Variants in NUP160 observed in about 807,000 individuals in gnomAD.
NUP160 encodes nuclear pore complex protein Nup160.
Under a neutral mutation model 196.9 loss-of-function variants are expected in NUP160, and 94 were observed. The ratio of observed to expected loss-of-function variants is 0.48; its 90% confidence interval spans 0.40 to 0.57. NUP160 has a LOEUF of 0.57. NUP160 is among the 20% of genes least tolerant of loss of function. The pLI, the probability that NUP160 is intolerant of heterozygous loss-of-function variation, is 0.00. For missense variants in NUP160, 1,638 were observed against 1,748.3 expected, an observed-to-expected ratio of 0.94 and a Z score of 1.13; for synonymous variants, 605 against 619.7, an observed-to-expected ratio of 0.98 and a Z score of 0.35.
intron 22 of NUP160, among the ~76,000 whole-genome samples, chr11:47,802,795 G>A (rs1345866524): frequency 6.6e-6 from 1 of 151,420 alleles, no homozygotes. Flanking sequence ...GGCAACATGG[G>A]AAAACCCCAT....
chr11:47,810,106 A>G (rs1191174431), intron 17 of NUP160, among the ~76,000 whole-genome samples: 1 of 152,194 alleles, frequency 6.6e-6, no homozygotes, highest in Non-Finnish European at 1.5e-5. Context: ...ACATAGATCA[A>G]AAAGAACTTA....
chr11:47,817,798 T>C (rs1017104051), intron 11 of NUP160, among the ~76,000 whole-genome samples: 7 of 152,210 alleles, frequency 4.6e-5, no homozygotes, highest in Non-Finnish European at 1.0e-4. Flanking sequence ...TACAGTACTG[T>C]AGGTAGAGGT....
At chr11:47,822,447 G>A (rs896739799) in intron 7 of NUP160, among the ~76,000 whole-genome samples, 35 of 151,842 alleles carry the variant, frequency 2.3e-4, no homozygotes, top group African/African-American at 8.2e-4. Context: ...TAGTAGAGAT[G>A]GGGTTTCACC....
chr11:47,780,842 TC>T (rs982291163), intron 34 of NUP160, among the ~76,000 whole-genome samples: 7 of 152,034 alleles, frequency 4.6e-5, no homozygotes, highest in Non-Finnish European at 7.4e-5. Context: ...ATGCATTTTT[TC>T]CCCCAACCAC....
At chr11:47,813,944 G>A (rs1217122144) in intron 13 of NUP160, among the ~76,000 whole-genome samples, 6 of 151,686 alleles carry the variant, frequency 4.0e-5, no homozygotes, top group Non-Finnish European at 7.4e-5. Context: ...GGTGGCGGGC[G>A]CCTGTAGTCC....
rs1398018014 is a variant in NUP160 at position 47,779,205 on chromosome 11, A to G, written c.4222-11T>C. 3 of 1,561,606 alleles carry G rather than the reference A, an allele frequency of 1.9e-6. No individual in the cohort carries two copies. The highest frequency in any genetic ancestry group is 2.6e-6 in the Non-Finnish European group (3 of 1,134,660). On this transcript the variant is annotated splice_polypyrimidine_tract_variant and intron_variant, in intron 35 of 35. Coordinates refer to ENST00000378460, the Ensembl canonical transcript of NUP160. ...TATTTTCTGGGACAGCTATAAGAGA[A>G]AAGAAGGAAAACATTACATAACAGC... is the stretch of plus-strand genomic sequence containing the variant.
chr11:47,839,159 T>C (rs1263936331), intron 4 of NUP160, among the ~76,000 whole-genome samples: 1 of 152,126 alleles, frequency 6.6e-6, no homozygotes, highest in Non-Finnish European at 1.5e-5. Context: ...TGGCACGATC[T>C]TGGCTTATCG....
chr11:47,787,148 C>T (rs145345385), intron 31 of NUP160: 503 of 146,192 alleles, frequency 3.4e-3, no homozygotes, highest in Middle Eastern at 7.4e-3. Flanking sequence ...AGTGCAGTGG[C>T]GCAATCTCAA....
chr11:47,815,717 TA>T, intron 12 of NUP160, 68 bp from the exon 13 acceptor site: 1 of 1,349,478 alleles, frequency 7.4e-7, no homozygotes, highest in Non-Finnish European at 1.0e-6. Context: ...ACAAAAAACA[TA>T]ATTGTCCAAT....
intron 33 of NUP160, 186 bp downstream of exon 33, chr11:47,784,736 C>T (rs2097663523): frequency 5.3e-6 from 2 of 378,876 alleles, no homozygotes; most frequent in Non-Finnish European, 9.5e-6. Flanking sequence ...GAGATGGGGT[C>T]TCCCTGTGTT....
At chr11:47,845,103 C>G (rs916568139) in intron 2 of NUP160, among the ~76,000 whole-genome samples, 1 of 152,156 alleles carries the variant, frequency 6.6e-6, no homozygotes, top group Admixed American at 6.5e-5. Flanking sequence ...CAACCAGCAG[C>G]CCTCGGAGCT....
intron 31 of NUP160, 42 bp downstream of exon 31, chr11:47,788,139 AT>A (rs761533925): frequency 1.4e-5 from 22 of 1,528,278 alleles, no homozygotes; most frequent in Non-Finnish European, 2.0e-5. Flanking sequence ...AGGATAATAT[AT>A]TTGCATTAGA....
intron 2 of NUP160, chr11:47,841,567 G>A (rs11039426): frequency 0.29 from 122,066 of 417,366 alleles, 19,603 homozygotes; most frequent in Middle Eastern, 0.36. Flanking sequence ...AAACTGGGAT[G>A]GATCTACGAG....
At chr11:47,813,489 C>T in intron 13 of NUP160, 74 bp from the exon 14 acceptor site, 1 of 962,286 alleles carries the variant, frequency 1.0e-6, no homozygotes, top group Non-Finnish European at 1.6e-6. Context: ...AGATGTGCAT[C>T]TTATCATGAG....
intron 29 of NUP160, among the ~76,000 whole-genome samples, chr11:47,789,609 T>C (rs1389630750): frequency 1.3e-5 from 2 of 152,114 alleles, no homozygotes; most frequent in South Asian, 4.1e-4. Context: ...TTTAGCAGAT[T>C]AGAATGCTGA....
At chr11:47,794,881 C>A (rs1375604143) in intron 27 of NUP160, among the ~76,000 whole-genome samples, 1 of 151,992 alleles carries the variant, frequency 6.6e-6, no homozygotes, top group African/African-American at 2.4e-5. Flanking sequence ...CCACTGAACT[C>A]CAGCCTAGAC....
At chr11:47,800,169 G>A (rs760405529) in intron 23 of NUP160, among the ~76,000 whole-genome samples, 2 of 150,496 alleles carry the variant, frequency 1.3e-5, no homozygotes, top group Non-Finnish European at 2.9e-5. Flanking sequence ...CAGGAGAATC[G>A]CTTCAACCTG....
intron 2 of NUP160, among the ~76,000 whole-genome samples, chr11:47,843,910 A>C (rs542092142): frequency 3.3e-5 from 5 of 152,326 alleles, no homozygotes; most frequent in African/African-American, 1.2e-4. Context: ...TTGGATATCT[A>C]TCAGGCATCT....
At position 47,784,997 on chromosome 11, in the gene NUP160, C is replaced by A. The variant is rs1256906901; in HGVS notation, c.3915G>T (p.Leu1305Phe). Residue 1305 changes from leucine to phenylalanine, a missense_variant, in exon 33 of 36, where the codon TTG becomes TTT. Physicochemically the swap from Leu to Phe is conservative, Grantham distance 22. Around this residue, in one of 3 missense-constraint regions of NUP160, gnomAD observed 1,345 missense variants for 1,470.2 expected, o/e 0.91. Transcript: ENST00000378460. Reference sequence around the variant, plus strand: ...GCTTGTTGATTACACAGTGGTGATACAAGTTATTCTGGACTTTGTACCTCT... The same window carrying A: ...GCTTGTTGATTACACAGTGGTGATAAAAGTTATTCTGGACTTTGTACCTCT... 2 of 1,602,150 alleles carry A rather than the reference C, an allele frequency of 1.2e-6. No individual in the cohort carries two copies. Among genetic ancestry groups the A allele is most frequent in the Admixed American group, 3.4e-5 (2 of 59,296 alleles).
Sources: gnomAD v4.1 joint callset for allele counts (sites outside exome capture counted in the v4.1 genomes callset) on GRCh38, gnomAD v4.1.1 for gene constraint, gnomAD v4.1.1 regional missense constraint, MANE v1.5 for transcripts, NCBI Gene and HGNC (gene_info 2026-07-23, HGNC 2026-07-21) for gene names.